FHIT: variants seen among roughly 807,000 people sequenced by gnomAD.
FHIT encodes the protein bis(5'-adenosyl)-triphosphatase.
Under a neutral mutation model 17.9 loss-of-function variants are expected in FHIT, and 19 were observed. The ratio of observed to expected loss-of-function variants is 1.06; its 90% CI spans 0.74 to 1.56. FHIT has a LOEUF of 1.56. Ranked by LOEUF, FHIT falls within the 40% of genes most tolerant of loss-of-function variation. The probability of loss-of-function intolerance (pLI) is 0.00; values close to 1 mark genes in which losing one functional copy is unlikely to be tolerated. For missense variants in FHIT, 248 were observed against 189.2 expected, an observed-to-expected ratio of 1.31 and a Z score of -1.82; for synonymous variants, 81 against 69.7, an observed-to-expected ratio of 1.16 and a Z score of -0.81.
chr3:60,386,962 A>C (rs1482479191), intron 5 of FHIT, among the ~76,000 whole-genome samples: 1 of 151,904 alleles, frequency 6.6e-6, no homozygotes, highest in African/African-American at 2.4e-5. Context: ...TCTGCTCTTG[A>C]AAGTCCCCAC....
chr3:60,718,046 A>G (rs782528217), intron 4 of FHIT, among the ~76,000 whole-genome samples: 13 of 152,226 alleles, frequency 8.5e-5, no homozygotes, highest in Non-Finnish European at 1.3e-4. Flanking sequence ...TCATTCTGTC[A>G]GTATGGTATT....
intron 7 of FHIT, among the ~76,000 whole-genome samples, chr3:59,993,186 C>G (rs17061683): frequency 0.16 from 24,402 of 152,006 alleles, 2,115 homozygotes; most frequent in South Asian, 0.24. Context: ...TCATCTTCAA[C>G]TCACTCCTTG....
intron 3 of FHIT, among the ~76,000 whole-genome samples, chr3:60,853,041 G>A (rs1286326516): frequency 6.6e-6 from 1 of 151,868 alleles, no homozygotes; most frequent in Non-Finnish European, 1.5e-5. Flanking sequence ...ATTCTTATGT[G>A]AGCATCTCAA....
Position 60,528,856 on chromosome 3 carries a change from G to C in FHIT, c.103+8004C>G, listed in dbSNP as rs1279411092. On this transcript the variant is annotated intron_variant, in intron 5 of 9. Coordinates refer to ENST00000492590, the MANE Select transcript of FHIT (RefSeq NM_002012.4). The stretch of plus-strand genomic sequence containing the variant: ...CCTCCCCACAATGCACAAATTAATA[G>C]GCTGATGTCTGGCACAGTAGAGAGC... Among the ~76,000 whole-genome samples, 5 of 152,240 alleles carry C rather than the reference G, an allele frequency of 3.3e-5. No homozygotes were observed. In the East Asian group the frequency reaches 9.7e-4, roughly 29 times the overall value.
At chr3:60,058,927 G>T (rs1457577187) in intron 5 of FHIT, among the ~76,000 whole-genome samples, 1 of 152,176 alleles carries the variant, frequency 6.6e-6, no homozygotes, top group Non-Finnish European at 1.5e-5. Context: ...GAGAGTCATG[G>T]TATTCAGAGG....
intron 3 of FHIT, among the ~76,000 whole-genome samples, chr3:60,990,859 T>C (rs929988927): frequency 1.3e-5 from 2 of 152,210 alleles, no homozygotes; most frequent in Non-Finnish European, 2.9e-5. Flanking sequence ...GGAAATGTCT[T>C]ATAGAGTTAC....
chr3:60,217,980 C>A (rs1180412718), intron 5 of FHIT, among the ~76,000 whole-genome samples: 1 of 152,096 alleles, frequency 6.6e-6, no homozygotes, highest in East Asian at 1.9e-4. Context: ...AACTATAAAG[C>A]AATGCCATTC....
At chr3:61,057,327 T>A (rs1242207933) in intron 2 of FHIT, among the ~76,000 whole-genome samples, 3 of 152,222 alleles carry the variant, frequency 2.0e-5, no homozygotes, top group Non-Finnish European at 4.4e-5. Flanking sequence ...ACAAAAACAT[T>A]AAGTTAACAT....
At chr3:60,345,831 G>T (rs1041125958) in intron 5 of FHIT, among the ~76,000 whole-genome samples, 2 of 151,888 alleles carry the variant, frequency 1.3e-5, no homozygotes, top group Non-Finnish European at 2.9e-5. Context: ...TCAATTATAA[G>T]AAACACCTGG....
rs77355209 is a variant in FHIT, at chr3:60,137,533, A to C, written c.104-123381T>G. Among the ~76,000 whole-genome samples, 5 of 152,320 alleles carry C rather than the reference A, an allele frequency of 3.3e-5. No individual in the cohort carries two copies. In the East Asian group the frequency reaches 7.7e-4, roughly 24 times the overall value. Reference sequence around the variant, plus strand: ...AGCTGCCAGACACTCTTGTTTCAGCAATCATGTGACTATGTGATGAGGGCT... The same window carrying C: ...AGCTGCCAGACACTCTTGTTTCAGCCATCATGTGACTATGTGATGAGGGCT... On this transcript the variant is annotated intron_variant, in intron 5 of 9. Coordinates refer to ENST00000492590, the MANE Select transcript of FHIT (RefSeq NM_002012.4).
intron 4 of FHIT, among the ~76,000 whole-genome samples, chr3:60,571,347 A>T (rs2037375544): frequency 2.0e-5 from 3 of 148,828 alleles, no homozygotes; most frequent in South Asian, 2.2e-4. Flanking sequence ...AAAAAAAAAA[A>T]AAAAAAAAAA....
chr3:59,797,010 T>C (rs894653178), intron 8 of FHIT, among the ~76,000 whole-genome samples: 1 of 152,224 alleles, frequency 6.6e-6, no homozygotes, highest in Non-Finnish European at 1.5e-5. Flanking sequence ...ATTACTTTTA[T>C]ATTAAAAACT....
At chr3:60,293,102 C>G (rs1708060665) in intron 5 of FHIT, among the ~76,000 whole-genome samples, 1 of 152,072 alleles carries the variant, frequency 6.6e-6, no homozygotes, top group African/African-American at 2.4e-5. Flanking sequence ...CATACGTAAT[C>G]TAGAGATGAT....
intron 5 of FHIT, among the ~76,000 whole-genome samples, chr3:60,282,970 G>A (rs1440215733): frequency 6.6e-6 from 1 of 152,022 alleles, no homozygotes; most frequent in Non-Finnish European, 1.5e-5. Flanking sequence ...GCAGTTCCAA[G>A]AATGGAGCTT....
chr3:61,048,538 A>C (rs1157914193), intron 2 of FHIT, among the ~76,000 whole-genome samples: 3 of 152,216 alleles, frequency 2.0e-5, no homozygotes, highest in Non-Finnish European at 4.4e-5. Context: ...TGGGACTGTA[A>C]ACTAGTGCAA....
At chr3:60,117,894 T>C (rs1048645594) in intron 5 of FHIT, among the ~76,000 whole-genome samples, 3 of 152,116 alleles carry the variant, frequency 2.0e-5, no homozygotes, top group Admixed American at 6.5e-5. Context: ...CCCAGATGCC[T>C]TAGGATATCC....
intron 5 of FHIT, among the ~76,000 whole-genome samples, chr3:60,366,485 C>T (rs1302091888): frequency 6.6e-6 from 1 of 152,152 alleles, no homozygotes; most frequent in Non-Finnish European, 1.5e-5. Context: ...ATATCCCCTC[C>T]AAAATTCATA....
chr3:59,902,861 C>T (rs538904204), intron 8 of FHIT, among the ~76,000 whole-genome samples: 2 of 152,272 alleles, frequency 1.3e-5, no homozygotes, highest in South Asian at 4.1e-4. Flanking sequence ...AGTGCTGGCA[C>T]TCTAATGTCT....
intron 5 of FHIT, among the ~76,000 whole-genome samples, chr3:60,303,872 A>G (rs1287202244): frequency 6.6e-6 from 1 of 152,180 alleles, no homozygotes; most frequent in Non-Finnish European, 1.5e-5. Context: ...GGGACTGGAG[A>G]CAGGAGTGCC....
Sources: allele counts gnomAD v4.1 joint callset (sites outside exome capture counted in the v4.1 genomes callset), GRCh38; gene constraint gnomAD v4.1.1; transcripts MANE v1.5; gene names NCBI Gene and HGNC (gene_info 2026-07-23, HGNC 2026-07-21).